The following ARMH4 variants were observed in gnomAD, a reference collection of about 807,000 sequenced individuals.
The protein encoded by ARMH4 is armadillo like helical domain containing 4, also known as armadillo-like helical domain-containing protein 4.
Under a neutral mutation model 61.9 loss-of-function variants are expected in ARMH4, and 49 were observed. The observed-to-expected ratio is 0.79, with a 90% CI of 0.63 to 1.00. The LOEUF (loss-of-function observed/expected upper bound fraction) is 1.00, where lower values mean the gene tolerates loss of function less well. Ranked by LOEUF, ARMH4 falls within the 50% of genes least tolerant of loss-of-function variation. The pLI, the probability that ARMH4 is intolerant of heterozygous loss-of-function variation, is 0.00. For missense variants in ARMH4, 934 were observed against 930.0 expected, an observed-to-expected ratio of 1.00 and a Z score of -0.06; for synonymous variants, 368 against 341.5, an observed-to-expected ratio of 1.08 and a Z score of -0.85.
chr14:58,019,595 A>C (rs1438892794), intron 5 of ARMH4, among the ~76,000 whole-genome samples: 1 of 151,858 alleles, frequency 6.6e-6, no homozygotes, highest in Non-Finnish European at 1.5e-5. Flanking sequence ...CATTTCCTCC[A>C]CCCTGGCCAA....
intron 5 of ARMH4, among the ~76,000 whole-genome samples, chr14:58,075,928 A>G (rs1885030654): frequency 6.6e-6 from 1 of 152,194 alleles, no homozygotes; most frequent in African/African-American, 2.4e-5. Context: ...TGAGGATTAA[A>G]TAAGGTCTTA....
intron 5 of ARMH4, among the ~76,000 whole-genome samples, chr14:58,032,594 T>C (rs1883287261): frequency 6.6e-6 from 1 of 151,930 alleles, no homozygotes; most frequent in Admixed American, 6.6e-5. Flanking sequence ...GCTCCCAGCG[T>C]GAGCGACGCA....
chr14:58,024,540 C>T (rs1857517795), intron 5 of ARMH4, among the ~76,000 whole-genome samples: 2 of 152,168 alleles, frequency 1.3e-5, no homozygotes, highest in Non-Finnish European at 2.9e-5. Flanking sequence ...GTTTCTATCT[C>T]TTATCATTTG....
At chr14:58,132,094 C>G (rs1220876268) in intron 3 of ARMH4, among the ~76,000 whole-genome samples, 1 of 152,040 alleles carries the variant, frequency 6.6e-6, no homozygotes, top group Non-Finnish European at 1.5e-5. Flanking sequence ...TTGGAAAGAT[C>G]GAGTGTCTTT....
chr14:58,016,490 C>T lies in ARMH4; in HGVS notation c.2090-4340G>A, dbSNP rs754660382. Among the ~76,000 whole-genome samples, 139 of 152,016 alleles carry T rather than the reference C, an allele frequency of 9.1e-4. 1 individual carries two copies. The highest frequency in any genetic ancestry group is 9.0e-3 in the Admixed American group (138 of 15,262). On this transcript the variant is annotated intron_variant, in intron 5 of 7. Transcript: ENST00000267485. ...TTGATTAATTGGGTAGTAGAATTAT[C>T]GATGATTTGTCTTTTATTCTCTGTA...
chr14:58,008,822 A>T (rs1350540344), intron 6 of ARMH4, among the ~76,000 whole-genome samples: 1 of 152,226 alleles, frequency 6.6e-6, no homozygotes, highest in African/African-American at 2.4e-5. Flanking sequence ...GCTGCTATGA[A>T]GTATAGTCTG....
At chr14:58,077,856 T>C (rs766272093) in intron 5 of ARMH4, among the ~76,000 whole-genome samples, 1 of 152,244 alleles carries the variant, frequency 6.6e-6, no homozygotes. Flanking sequence ...ACCACATTGC[T>C]ACTTAAAATT....
chr14:58,099,359 A>C (rs771306414), intron 4 of ARMH4, among the ~76,000 whole-genome samples: 8 of 152,204 alleles, frequency 5.3e-5, no homozygotes, highest in Non-Finnish European at 8.8e-5. Flanking sequence ...TCCACACAGG[A>C]AACAGGAGTA....
intron 5 of ARMH4, among the ~76,000 whole-genome samples, chr14:58,086,609 C>G (rs932547): frequency 0.11 from 16,715 of 152,120 alleles, 1,169 homozygotes; most frequent in Admixed American, 0.22. Flanking sequence ...AGAGCATCCC[C>G]TTTCTCCTCC....
chr14:58,051,778 G>C (rs1276972953), intron 5 of ARMH4, among the ~76,000 whole-genome samples: 1 of 152,036 alleles, frequency 6.6e-6, no homozygotes, highest in African/African-American at 2.4e-5. Flanking sequence ...GTCCCTCCAG[G>C]CTCCAAGCTT....
chr14:58,131,555 A>G lies in ARMH4; in HGVS notation c.1788T>C (p.Val596=). 6.2e-7 allele frequency: 1 copy of G among 1,614,236 alleles called. No homozygotes were observed. Among genetic ancestry groups the G allele is most frequent in the African/African-American group, 1.3e-5 (1 of 75,070 alleles). ...RRTVVPSITR[V]NTAASYGLDQ... is the part of the protein sequence containing the mutation. ...CCAGGCCATATGAGGCAGCTGTATTAACACGAGTAATAGATGGAACAACAG... is the reference window on the plus strand; with the variant it reads ...CCAGGCCATATGAGGCAGCTGTATTGACACGAGTAATAGATGGAACAACAG... Residue 596 remains valine (V), a synonymous_variant, in exon 4 of 8, where the codon GTT becomes GTC. Coordinates refer to ENST00000267485, the MANE Select transcript of ARMH4 (RefSeq NM_001001872.4).
At chr14:58,025,676 C>G (rs1882997619) in intron 5 of ARMH4, among the ~76,000 whole-genome samples, 1 of 152,100 alleles carries the variant, frequency 6.6e-6, no homozygotes, top group Non-Finnish European at 1.5e-5. Flanking sequence ...AATAACAAAA[C>G]TTACTAAGTT....
intron 5 of ARMH4, among the ~76,000 whole-genome samples, chr14:58,054,739 C>A (rs178482): frequency 0.61 from 92,204 of 151,660 alleles, 29,144 homozygotes; most frequent in African/African-American, 0.77. Flanking sequence ...CTCTACTAAA[C>A]ATACAAAAAA....
At chr14:58,085,405 A>G (rs1885348419) in intron 5 of ARMH4, among the ~76,000 whole-genome samples, 1 of 136,002 alleles carries the variant, frequency 7.4e-6, no homozygotes. Context: ...ATATTTCAAT[A>G]ATTCCCCAAC....
At position 58,022,745 on chromosome 14, in the gene ARMH4, T is replaced by C. The variant is rs111933688; in HGVS notation, c.2090-10595A>G. Among the ~76,000 whole-genome samples the C allele has an allele frequency of 8.0e-3, 1,219 of 152,326 alleles. 24 individuals carry two copies. Among genetic ancestry groups the C allele is most frequent in the African/African-American group, 0.028 (1,144 of 41,566 alleles). On this transcript the variant is annotated intron_variant, in intron 5 of 7. Transcript: ENST00000267485. ...AGACACTAATCTAATTCAGTCACCA[T>C]ATAGGCAAGCTGGCCCTTTGCCATA...
At chr14:58,083,809 T>C (rs920838950) in intron 5 of ARMH4, among the ~76,000 whole-genome samples, 9 of 152,228 alleles carry the variant, frequency 5.9e-5, no homozygotes, top group African/African-American at 1.4e-4. Context: ...CATCCATCTG[T>C]AAATTCATTT....
intron 4 of ARMH4, among the ~76,000 whole-genome samples, chr14:58,127,755 T>C (rs754639240): frequency 6.6e-6 from 1 of 152,184 alleles, no homozygotes; most frequent in Non-Finnish European, 1.5e-5. Context: ...ACTGTATTCC[T>C]GTCTCTGTGT....
rs1178401999 is a variant in ARMH4, at chr14:58,138,942, T to C, written c.417A>G (p.Gly139=). ...SQPERISPES[G]LAKAMLTIAI... is the part of the protein sequence containing the mutation. ...CAATGGTTAACATGGCCTTGGCAAG[T>C]CCACTTTCAGGAGATATTCTCTCTG... The change falls in exon 2 of 8, where the codon GGA becomes GGG. Residue 139 remains glycine (G), a synonymous_variant. Transcript: ENST00000267485. The C allele has an allele frequency of 6.2e-7, 1 of 1,614,228 alleles. No homozygotes were observed. Among genetic ancestry groups the C allele is most frequent in the Non-Finnish European group, 8.5e-7 (1 of 1,180,028 alleles).
At chr14:58,032,052 C>T (rs977747329) in intron 5 of ARMH4, among the ~76,000 whole-genome samples, 1 of 152,152 alleles carries the variant, frequency 6.6e-6, no homozygotes, top group Admixed American at 6.5e-5. Context: ...CACACTTATT[C>T]TTCCTTCTGT....
Sources: allele counts gnomAD v4.1 joint callset (sites outside exome capture counted in the v4.1 genomes callset), GRCh38; gene constraint gnomAD v4.1.1; transcripts MANE v1.5; gene names NCBI Gene and HGNC (gene_info 2026-07-23, HGNC 2026-07-21).